Variants in MYCBP2 observed in about 807,000 individuals in gnomAD.
MYCBP2 encodes the protein E3 ubiquitin-protein ligase MYCBP2.
A neutral mutation model predicts 525.3 loss-of-function variants in MYCBP2; 120 were observed. The observed-to-expected ratio is 0.23, with a 90% CI of 0.20 to 0.27. The LOEUF (loss-of-function observed/expected upper bound fraction) is 0.27, where lower values mean the gene tolerates loss of function less well. MYCBP2 is among the 10% of genes least tolerant of loss of function. The pLI is 1.00. For missense variants in MYCBP2, 4,149 were observed against 5,657.1 expected, an observed-to-expected ratio of 0.73 and a Z score of 8.55; for synonymous variants, 1,894 against 1,955.8, an observed-to-expected ratio of 0.97 and a Z score of 0.83.
intron 55 of MYCBP2, among the ~76,000 whole-genome samples, chr13:77,107,600 T>TG (rs1041073098): frequency 2.6e-5 from 4 of 151,970 alleles, no homozygotes; most frequent in African/African-American, 9.7e-5. Context: ...TAGGCAGGTG[T>TG]GGGGACACTC....
intron 40 of MYCBP2, among the ~76,000 whole-genome samples, chr13:77,168,149 A>G (rs184802557): frequency 1.3e-3 from 199 of 152,306 alleles, no homozygotes; most frequent in Non-Finnish European, 2.0e-3. Context: ...ACTATTGCAA[A>G]TCACAGCATG....
chr13:77,308,819 T>C (rs998887510), intron 1 of MYCBP2, among the ~76,000 whole-genome samples: 1 of 152,204 alleles, frequency 6.6e-6, no homozygotes, highest in Non-Finnish European at 1.5e-5. Flanking sequence ...AGAACTCTGG[T>C]AGACAGCAGA....
intron 1 of MYCBP2, among the ~76,000 whole-genome samples, chr13:77,323,545 C>A (rs2081944972): frequency 6.6e-6 from 1 of 152,224 alleles, no homozygotes; most frequent in African/African-American, 2.4e-5. Context: ...AGCCCCACTA[C>A]AAATTGCCCT....
chr13:77,221,992 T>A (rs75627634), intron 20 of MYCBP2, among the ~76,000 whole-genome samples: 3,271 of 152,308 alleles, frequency 0.021, 124 homozygotes, highest in African/African-American at 0.074. Flanking sequence ...ATAGTTGTTA[T>A]ACTCTGTTGT....
intron 4 of MYCBP2, among the ~76,000 whole-genome samples, chr13:77,276,205 T>C (rs988637577): frequency 2.6e-5 from 4 of 152,218 alleles, no homozygotes; most frequent in Admixed American, 2.0e-4. Context: ...AGGAAATATA[T>C]TTTTAAATAG....
chr13:77,153,900 T>C (rs1311453323), intron 46 of MYCBP2, among the ~76,000 whole-genome samples: 2 of 152,166 alleles, frequency 1.3e-5, no homozygotes, highest in Admixed American at 6.5e-5. Context: ...ATTGGTACAA[T>C]ATGTGTGTTT....
rs113604514 is a variant in MYCBP2 at position 77,225,655 on chromosome 13, A to C, written c.2738-101T>G. On this transcript the variant is annotated intron_variant, in intron 18 of 82. Transcript: ENST00000544440. ...ATGGAAGAACAAGAGAAAAATGTTAAAAGGAACAAGCAAGAAGAATCTGTA... is the reference window on the plus strand; with the variant it reads ...ATGGAAGAACAAGAGAAAAATGTTACAAGGAACAAGCAAGAAGAATCTGTA... 1.3e-5 allele frequency: 19 copies of C among 1,435,168 alleles called. No individual in the cohort carries two copies. In the African/African-American group the frequency reaches 2.3e-4, roughly 17 times the overall value. The allele number at this position is 1,435,168 out of a possible 1,614,324, so 88.9% of individuals were successfully genotyped here.
chr13:77,321,598 C>T (rs1437398201), intron 1 of MYCBP2, among the ~76,000 whole-genome samples: 1 of 152,236 alleles, frequency 6.6e-6, no homozygotes, highest in Non-Finnish European at 1.5e-5. Flanking sequence ...AATTCCACTA[C>T]TGTCCTTCAT....
At chr13:77,276,086 T>C (rs1437445735) in intron 4 of MYCBP2, among the ~76,000 whole-genome samples, 1 of 152,238 alleles carries the variant, frequency 6.6e-6, no homozygotes, top group Non-Finnish European at 1.5e-5. Flanking sequence ...CTAAGTTCCA[T>C]AATAACAGCA....
intron 20 of MYCBP2, among the ~76,000 whole-genome samples, chr13:77,221,596 T>C (rs931761457): frequency 3.3e-5 from 5 of 152,034 alleles, no homozygotes; most frequent in African/African-American, 1.2e-4. Context: ...TGAAGTGCCC[T>C]CTTTGCTGCA....
chr13:77,192,444 A>G (rs2061376151), intron 27 of MYCBP2, among the ~76,000 whole-genome samples: 1 of 152,234 alleles, frequency 6.6e-6, no homozygotes, highest in South Asian at 2.1e-4. Context: ...AAGACAATAA[A>G]TAAGGGCATC....
intron 1 of MYCBP2, among the ~76,000 whole-genome samples, chr13:77,314,434 T>C (rs1233710466): frequency 6.6e-6 from 1 of 152,100 alleles, no homozygotes; most frequent in African/African-American, 2.4e-5. Context: ...GATTATTCAG[T>C]GGTAAGAAAT....
chr13:77,057,344 T>C (rs2038303096), intron 78 of MYCBP2, among the ~76,000 whole-genome samples: 1 of 152,204 alleles, frequency 6.6e-6, no homozygotes, highest in Admixed American at 6.5e-5. Context: ...GCCACTTATA[T>C]AAAGTAAGCT....
intron 15 of MYCBP2, among the ~76,000 whole-genome samples, chr13:77,248,130 T>A (rs2070390908): frequency 1.1e-5 from 1 of 90,694 alleles, no homozygotes; most frequent in African/African-American, 4.1e-5. Flanking sequence ...ACCCTAAAAC[T>A]TAAAGTATAA....
chr13:77,213,543 G>A (rs993341030), intron 21 of MYCBP2, among the ~76,000 whole-genome samples: 3 of 152,028 alleles, frequency 2.0e-5, no homozygotes, highest in Admixed American at 2.0e-4. Context: ...TCTGCTTTTG[G>A]AGGAAAAATA....
chr13:77,068,381 A>G (rs2040544649), intron 70 of MYCBP2, among the ~76,000 whole-genome samples, 184 bp downstream of exon 70: 1 of 151,090 alleles, frequency 6.6e-6, no homozygotes, highest in Non-Finnish European at 1.5e-5. Context: ...AACATATTTT[A>G]CTATTCTATA....
At chr13:77,228,893 T>C (rs1759317446) in intron 18 of MYCBP2, among the ~76,000 whole-genome samples, 1 of 152,162 alleles carries the variant, frequency 6.6e-6, no homozygotes, top group African/African-American at 2.4e-5. Flanking sequence ...AATTTTAATT[T>C]TTACTAAAAT....
intron 45 of MYCBP2, among the ~76,000 whole-genome samples, chr13:77,156,985 T>C (rs2057286367): frequency 6.6e-6 from 1 of 152,158 alleles, no homozygotes; most frequent in Admixed American, 6.5e-5. Flanking sequence ...ATTTTTTTTT[T>C]ACTAGTAAAA....
chr13:77,276,699 G>A (rs1256958366), intron 4 of MYCBP2, among the ~76,000 whole-genome samples: 2 of 151,714 alleles, frequency 1.3e-5, no homozygotes, highest in Non-Finnish European at 2.9e-5. Flanking sequence ...GTCTCATTCT[G>A]TCACCCAGCT....
Sources: allele counts gnomAD v4.1 joint callset (sites outside exome capture counted in the v4.1 genomes callset), GRCh38; gene constraint gnomAD v4.1.1; transcripts MANE v1.5; gene names NCBI Gene and HGNC (gene_info 2026-07-23, HGNC 2026-07-21).